RPS6KC1: variants seen among roughly 807,000 people sequenced by gnomAD.
The protein encoded by RPS6KC1 is inactive ribosomal protein S6 kinase delta-1.
A neutral mutation model predicts 103.8 loss-of-function variants in RPS6KC1; 54 were observed. The observed-to-expected ratio is 0.52, with a 90% CI of 0.42 to 0.65. The LOEUF is 0.65. Ranked by LOEUF, RPS6KC1 falls within the 30% of genes least tolerant of loss-of-function variation. The probability of loss-of-function intolerance (pLI) is 0.00; values close to 1 mark genes in which losing one functional copy is unlikely to be tolerated. For missense variants in RPS6KC1, 1,151 were observed against 1,253.8 expected (o/e 0.92, Z 1.24); for synonymous variants, 439 against 438.7 (o/e 1.00, Z -0.01).
the RPS6KC1 span, among the ~76,000 whole-genome samples, chr1:213,657,876 G>A: frequency 6.6e-6 from 1 of 152,180 alleles, no homozygotes; most frequent in Non-Finnish European, 1.5e-5. Flanking sequence ...TATTTTAGGA[G>A]GTACATGGAT....
chr1:213,208,104 ATTC>A (rs1264828722), intron 8 of RPS6KC1, among the ~76,000 whole-genome samples: 2 of 152,132 alleles, frequency 1.3e-5, no homozygotes, highest in Non-Finnish European at 1.5e-5. Flanking sequence ...CCATTTGCGT[ATTC>A]TTATATGTAT....
chr1:213,240,034 A>G (rs1318201984), intron 10 of RPS6KC1, among the ~76,000 whole-genome samples: 2 of 152,174 alleles, frequency 1.3e-5, no homozygotes, highest in Non-Finnish European at 2.9e-5. Context: ...TTAAAGATAT[A>G]TGTCAGAATA....
chr1:213,704,155 A>AGGC, the RPS6KC1 span, among the ~76,000 whole-genome samples: 1 of 151,936 alleles, frequency 6.6e-6, no homozygotes, highest in Non-Finnish European at 1.5e-5. Context: ...TGGGAGGCCG[A>AGGC]GGCGGGCGGA....
intron 5 of RPS6KC1, among the ~76,000 whole-genome samples, chr1:213,122,854 G>T (rs895432219): frequency 1.3e-5 from 2 of 151,898 alleles, no homozygotes; most frequent in Non-Finnish European, 2.9e-5. Context: ...AAAACAACAG[G>T]TCATTTTTTC....
chr1:213,592,214 G>A, the RPS6KC1 span, among the ~76,000 whole-genome samples: 1 of 152,058 alleles, frequency 6.6e-6, no homozygotes, highest in African/African-American at 2.4e-5. Context: ...TGATCAAAGA[G>A]GAATGTGAAA....
the RPS6KC1 span, among the ~76,000 whole-genome samples, chr1:213,449,452 T>C: frequency 6.6e-6 from 1 of 152,146 alleles, no homozygotes; most frequent in African/African-American, 2.4e-5. Context: ...GGCTCCTGTG[T>C]CCTCATGCGG....
chr1:213,476,174 A>T, the RPS6KC1 span, among the ~76,000 whole-genome samples: 1 of 152,276 alleles, frequency 6.6e-6, no homozygotes, highest in East Asian at 1.9e-4. Context: ...TGTAAACCTC[A>T]GGCATCCTCC....
At chr1:213,179,758 A>G (rs954934580) in intron 8 of RPS6KC1, among the ~76,000 whole-genome samples, 9 of 152,228 alleles carry the variant, frequency 5.9e-5, no homozygotes, top group Admixed American at 1.3e-4. Flanking sequence ...AAAATAAAGC[A>G]GATTTTTTAT....
chr1:213,248,032 C>T (rs1444272411), intron 12 of RPS6KC1, among the ~76,000 whole-genome samples: 1 of 151,926 alleles, frequency 6.6e-6, no homozygotes, highest in African/African-American at 2.4e-5. Context: ...TCTCAACAAA[C>T]AAAATTGTTT....
At chr1:213,268,410 A>G (rs868747856) in intron 14 of RPS6KC1, among the ~76,000 whole-genome samples, 2 of 152,028 alleles carry the variant, frequency 1.3e-5, no homozygotes, top group Non-Finnish European at 2.9e-5. Flanking sequence ...CTGCCTTACA[A>G]GAAATACCAC....
At chr1:213,511,180 T>C in the RPS6KC1 span, among the ~76,000 whole-genome samples, 4,162 of 122,046 alleles carry the variant, frequency 0.034, 74 homozygotes, top group Middle Eastern at 0.047. Context: ...TTGAGGAATG[T>C]CTTTTTTTTT....
chr1:213,500,151 A>C, the RPS6KC1 span, among the ~76,000 whole-genome samples: 1 of 152,254 alleles, frequency 6.6e-6, no homozygotes, highest in African/African-American at 2.4e-5. Flanking sequence ...CTTAAAACAC[A>C]AACACATTAT....
intron 8 of RPS6KC1, among the ~76,000 whole-genome samples, chr1:213,191,256 G>C (rs897719300): frequency 2.6e-5 from 4 of 152,004 alleles, no homozygotes; most frequent in Non-Finnish European, 5.9e-5. Context: ...TAACAATATT[G>C]ATTCTTTTAA....
At chr1:213,616,724 A>G in the RPS6KC1 span, among the ~76,000 whole-genome samples, 3,017 of 152,296 alleles carry the variant, frequency 0.02, 92 homozygotes, top group African/African-American at 0.069. Flanking sequence ...TATACATACT[A>G]TAGCATGAGG....
chr1:213,409,925 G>A, the RPS6KC1 span, among the ~76,000 whole-genome samples: 2 of 152,254 alleles, frequency 1.3e-5, no homozygotes, highest in African/African-American at 4.8e-5. Context: ...CCACTTGGGA[G>A]GCTGAGGCAG....
rs913906144 is a variant in RPS6KC1, at chr1:213,218,854, T to A, written c.1045-11643T>A. Among the ~76,000 whole-genome samples, 5 of 152,190 alleles carry A rather than the reference T, an allele frequency of 3.3e-5. No individual in the cohort carries two copies. The South Asian group carries it at 1.0e-3, about 32-fold the overall frequency. On this transcript the variant is annotated intron_variant, in intron 8 of 14. Coordinates refer to ENST00000366960, the MANE Select transcript of RPS6KC1 (RefSeq NM_012424.6). ...TGAAACTGGATCCCTTCCTTACACC[T>A]TATAAAAAAATTAAATTTGGATTGA...
At chr1:213,602,872 T>C in the RPS6KC1 span, among the ~76,000 whole-genome samples, 1 of 152,188 alleles carries the variant, frequency 6.6e-6, no homozygotes, top group African/African-American at 2.4e-5. Context: ...AGGTACCCTT[T>C]ATATTTTCCC....
chr1:213,413,099 C>T, the RPS6KC1 span, among the ~76,000 whole-genome samples: 16 of 152,082 alleles, frequency 1.1e-4, no homozygotes, highest in South Asian at 4.1e-4. Context: ...GACGATGTGA[C>T]GGAGTATGTG....
At chr1:213,300,559 G>C in the RPS6KC1 span, among the ~76,000 whole-genome samples, 4 of 152,194 alleles carry the variant, frequency 2.6e-5, no homozygotes, top group Admixed American at 1.3e-4. Flanking sequence ...TTCACATTAA[G>C]ACTGAAGCTC....
Sources: gnomAD v4.1 joint callset for allele counts (sites outside exome capture counted in the v4.1 genomes callset) on GRCh38, gnomAD v4.1.1 for gene constraint, MANE v1.5 for transcripts, NCBI Gene and HGNC (gene_info 2026-07-23, HGNC 2026-07-21) for gene names.